The following XYLT1 variants were observed in gnomAD, a reference collection of about 807,000 sequenced individuals.
XYLT1 encodes xylosyltransferase 1.
Under a neutral mutation model 91.3 loss-of-function variants are expected in XYLT1, and 36 were observed. The observed-to-expected ratio is 0.39, with a 90% CI of 0.30 to 0.52. The LOEUF (loss-of-function observed/expected upper bound fraction) is 0.52. Among genes scored for constraint, XYLT1 ranks in the 20% least tolerant of loss-of-function variants. The probability of loss-of-function intolerance (pLI) is 0.68; values close to 1 mark genes in which losing one functional copy is unlikely to be tolerated. For synonymous variants in XYLT1, 588 were observed against 532.0 expected, an observed-to-expected ratio of 1.11 and a Z score of -1.45; for missense variants, 1,242 against 1,284.5, an observed-to-expected ratio of 0.97 and a Z score of 0.51.
chr16:17,344,134 AGT>A lies in XYLT1; in HGVS notation c.402+13876_402+13877del, dbSNP rs1348850525. 6.6e-5 allele frequency among the ~76,000 whole-genome samples: 10 copies of A among 152,196 alleles called. No homozygotes were observed. In the East Asian group the frequency reaches 1.7e-3, roughly 26 times the overall value. On this transcript the variant is annotated intron_variant, in intron 2 of 11. Coordinates refer to ENST00000261381, the MANE Select transcript of XYLT1 (RefSeq NM_022166.4). ...GGAGGAGGGAGTGTCATTAAAATCT[AGT>A]GTGTACATGCCAGAGATGCTGCTAA...
intron 5 of XYLT1, among the ~76,000 whole-genome samples, chr16:17,192,522 C>T (rs891469736): frequency 5.3e-5 from 8 of 152,194 alleles, no homozygotes; most frequent in East Asian, 3.9e-4. Context: ...ATAGAACATA[C>T]GAATAAAACC....
At chr16:17,261,277 C>G in intron 2 of XYLT1, among the ~76,000 whole-genome samples, 1 of 151,462 alleles carries the variant, frequency 6.6e-6, no homozygotes, top group Non-Finnish European at 1.5e-5. Flanking sequence ...GCTCCTCTAG[C>G]CTCTGCTCCA....
In XYLT1 at chr16:17,134,706, G is replaced by T. The variant is rs759469068; in HGVS notation, c.1794C>A (p.Arg598=). The change falls in exon 9 of 12, where the codon CGC becomes CGA. Residue 598 remains arginine, a synonymous_variant. Coordinates refer to ENST00000261381, the MANE Select transcript of XYLT1 (RefSeq NM_022166.4). The stretch of plus-strand genomic sequence containing the variant: ...CCTGATTCACCACGGCTTCAAACTT[G>T]CGGGCAAAGAAGGTAGGCCGGGCTG... The part of the protein sequence containing the change: ...QQTARPTFFA[R]KFEAVVNQEI... The T allele has an allele frequency of 2.5e-6, 4 of 1,614,168 alleles. No individual in the cohort carries two copies. In the Admixed American group the frequency reaches 6.7e-5, roughly 27 times the overall value.
intron 2 of XYLT1, among the ~76,000 whole-genome samples, chr16:17,282,804 T>C (rs547866726): frequency 2.0e-5 from 3 of 152,332 alleles, no homozygotes; most frequent in African/African-American, 7.2e-5. Flanking sequence ...AATATTTTTA[T>C]TGAAAGCAAG....
chr16:17,298,216 A>G (rs754416754), intron 2 of XYLT1, among the ~76,000 whole-genome samples: 10 of 152,144 alleles, frequency 6.6e-5, no homozygotes, highest in Non-Finnish European at 1.3e-4. Context: ...GGTGACAGCC[A>G]TGAGGAGACG....
At chr16:17,186,865 G>A (rs766200852) in intron 5 of XYLT1, among the ~76,000 whole-genome samples, 12 of 152,158 alleles carry the variant, frequency 7.9e-5, no homozygotes, top group Non-Finnish European at 1.8e-4. Context: ...CAGGTGTAAG[G>A]TGAAGAGGGT....
intron 3 of XYLT1, among the ~76,000 whole-genome samples, chr16:17,243,732 C>G (rs2141737507): frequency 6.6e-6 from 1 of 152,278 alleles, no homozygotes; most frequent in Middle Eastern, 3.4e-3. Context: ...TGAGGTGTCT[C>G]ATTATGGACT....
intron 3 of XYLT1, among the ~76,000 whole-genome samples, chr16:17,243,607 G>A (rs368090445): frequency 5.6e-4 from 85 of 152,170 alleles, no homozygotes; most frequent in African/African-American, 1.9e-3. Flanking sequence ...ACAAGGTCCC[G>A]AGTGAGGGAG....
At chr16:17,423,933 C>T (rs1232868163) in intron 1 of XYLT1, among the ~76,000 whole-genome samples, 1 of 152,150 alleles carries the variant, frequency 6.6e-6, no homozygotes, top group Admixed American at 6.5e-5. Context: ...GCAGTGGTGA[C>T]CCAGGAGCAA....
At position 17,117,844 on chromosome 16, in the gene XYLT1, G is replaced by T; in HGVS notation, c.2359C>A (p.Pro787Thr). ...NVTVTVIWVD[P>T]VNVIAATYDI... Reference sequence around the variant, plus strand: ...TAGGTGGCTGCGATGACATTGACGGGATCCACCCAAATGACGGTCACGGTC... The same window carrying T: ...TAGGTGGCTGCGATGACATTGACGGTATCCACCCAAATGACGGTCACGGTC... The change falls in exon 11 of 12, where the codon CCC becomes ACC. Residue 787 changes from proline (P) to threonine (T), a missense_variant. Around this residue, in one of 3 missense-constraint regions of XYLT1, gnomAD observed 511 missense variants for 497.0 expected, o/e 1.03. Coordinates refer to ENST00000261381, the MANE Select transcript of XYLT1 (RefSeq NM_022166.4). 6.2e-7 allele frequency: 1 copy of T among 1,614,054 alleles called. No homozygotes were observed. Among genetic ancestry groups the T allele is most frequent in the Non-Finnish European group, 8.5e-7 (1 of 1,180,010 alleles).
chr16:17,302,988 T>C (rs186518045), intron 2 of XYLT1, among the ~76,000 whole-genome samples: 4 of 151,156 alleles, frequency 2.6e-5, no homozygotes, highest in Admixed American at 6.6e-5. Context: ...TGGGGTAGGG[T>C]TGGCAGTATG....
At chr16:17,257,388 T>A (rs2033649915) in intron 3 of XYLT1, among the ~76,000 whole-genome samples, 1 of 152,194 alleles carries the variant, frequency 6.6e-6, no homozygotes, top group Non-Finnish European at 1.5e-5. Flanking sequence ...TCTCTGTTTG[T>A]TGCTAGTGGC....
chr16:17,259,226 G>C lies in XYLT1; in HGVS notation c.675C>G (p.Ala225=), dbSNP rs760659496. 1.9e-6 allele frequency: 3 copies of C among 1,614,002 alleles called. No homozygotes were observed. The Admixed American group carries it at 5.0e-5, about 27-fold the overall frequency. The part of the protein sequence containing the change: ...EVLPPGDRAA[A]NSSHGKDVSR... The stretch of plus-strand genomic sequence containing the variant: ...ACACATCCTTCCCGTGGCTGCTGTT[G>C]GCTGCGGCTCTGTCCCCGGGAGGCA... The change falls in exon 3 of 12, where the codon GCC becomes GCG. Residue 225 remains alanine, a synonymous_variant. Transcript: ENST00000261381.
chr16:17,464,083 G>A (rs1451575953), intron 1 of XYLT1, among the ~76,000 whole-genome samples: 1 of 151,386 alleles, frequency 6.6e-6, no homozygotes, highest in Non-Finnish European at 1.5e-5. Flanking sequence ...GGAGTAGGGA[G>A]GAAGATGTTG....
At chr16:17,156,681 C>G (rs2031415641) in intron 6 of XYLT1, among the ~76,000 whole-genome samples, 1 of 152,180 alleles carries the variant, frequency 6.6e-6, no homozygotes, top group Admixed American at 6.5e-5. Context: ...AAAAAGGGCC[C>G]ACTTAGTAGG....
chr16:17,450,514 GGAA>G (rs1313296982), intron 1 of XYLT1, among the ~76,000 whole-genome samples: 2 of 152,158 alleles, frequency 1.3e-5, no homozygotes, highest in African/African-American at 4.8e-5. Flanking sequence ...ACACACGGCT[GGAA>G]GAAGAGACAT....
At chr16:17,247,368 T>C (rs975058326) in intron 3 of XYLT1, among the ~76,000 whole-genome samples, 2 of 152,206 alleles carry the variant, frequency 1.3e-5, no homozygotes, top group Non-Finnish European at 1.5e-5. Flanking sequence ...CAAGAACTCA[T>C]GGAACGCCAA....
intron 2 of XYLT1, among the ~76,000 whole-genome samples, chr16:17,339,411 C>G (rs2035034250): frequency 6.6e-6 from 1 of 152,140 alleles, no homozygotes; most frequent in Admixed American, 6.5e-5. Context: ...TGGCAGATGT[C>G]TCCAAATATT....
intron 1 of XYLT1, among the ~76,000 whole-genome samples, chr16:17,370,683 G>C (rs529766698): frequency 1.8e-4 from 27 of 152,302 alleles, no homozygotes; most frequent in African/African-American, 6.3e-4. Flanking sequence ...ATTCAGCTCA[G>C]GCATAGTTTG....
Sources: allele counts gnomAD v4.1 joint callset (sites outside exome capture counted in the v4.1 genomes callset), GRCh38; gene constraint gnomAD v4.1.1; regional missense constraint gnomAD v4.1.1; transcripts MANE v1.5; gene names NCBI Gene and HGNC (gene_info 2026-07-23, HGNC 2026-07-21).